Variants in SUGCT observed in about 807,000 individuals in gnomAD.
The protein encoded by SUGCT is succinyl-CoA:glutarate CoA-transferase.
SUGCT carries 41 observed loss-of-function variants against 55.0 expected under a neutral mutation model. The observed-to-expected ratio is 0.74, with a 90% confidence interval of 0.58 to 0.97. The LOEUF (loss-of-function observed/expected upper bound fraction) is 0.97. SUGCT is among the 50% of genes least tolerant of loss of function. The pLI, the probability that SUGCT is intolerant of heterozygous loss-of-function variation, is 0.00. For missense variants in SUGCT, 568 were observed against 547.8 expected, an observed-to-expected ratio of 1.04 and a Z score of -0.37; for synonymous variants, 187 against 200.4, an observed-to-expected ratio of 0.93 and a Z score of 0.56.
At chr7:40,772,997 T>C (rs1390871862) in intron 13 of SUGCT, among the ~76,000 whole-genome samples, 1 of 152,174 alleles carries the variant, frequency 6.6e-6, no homozygotes, top group East Asian at 1.9e-4. Context: ...TCTTAACTAA[T>C]GTAGATTGAA....
At chr7:40,185,525 GTCT>G (rs768723756) in intron 3 of SUGCT, among the ~76,000 whole-genome samples, 1 of 152,104 alleles carries the variant, frequency 6.6e-6, no homozygotes, top group Non-Finnish European at 1.5e-5. Flanking sequence ...GGGATTTATT[GTCT>G]TCTTTTTTTT....
chr7:40,692,026 T>C (rs1784722471), intron 12 of SUGCT, among the ~76,000 whole-genome samples: 4 of 152,194 alleles, frequency 2.6e-5, no homozygotes, highest in South Asian at 4.1e-4. Flanking sequence ...GAATTTGAAC[T>C]AGATGTCTCT....
chr7:40,447,248 T>G (rs77806986), intron 9 of SUGCT, among the ~76,000 whole-genome samples: 4,193 of 152,262 alleles, frequency 0.028, 127 homozygotes, highest in African/African-American at 0.072. Flanking sequence ...TTATTTAAAT[T>G]TAATGATCAC....
the SUGCT span, among the ~76,000 whole-genome samples, chr7:41,008,064 G>C: frequency 9.9e-5 from 15 of 152,274 alleles, no homozygotes; most frequent in African/African-American, 3.4e-4. Flanking sequence ...AGGGTGGGGG[G>C]CAAAATCTGG....
At chr7:40,731,956 G>A (rs984488362) in intron 12 of SUGCT, among the ~76,000 whole-genome samples, 26 of 152,084 alleles carry the variant, frequency 1.7e-4, no homozygotes, top group African/African-American at 6.0e-4. Context: ...GTTTAGATAG[G>A]GGTACATGAA....
chr7:40,899,075 C>A, the SUGCT span, among the ~76,000 whole-genome samples: 55 of 152,286 alleles, frequency 3.6e-4, no homozygotes, highest in Admixed American at 2.9e-3. Context: ...TAGAACCCCC[C>A]AGAGCTCTGA....
intron 1 of SUGCT, among the ~76,000 whole-genome samples, chr7:40,159,668 C>G (rs534676728): frequency 6.6e-6 from 1 of 152,052 alleles, no homozygotes; most frequent in Non-Finnish European, 1.5e-5. Context: ...CGTGCCTGGC[C>G]GGATTCTAGT....
intron 1 of SUGCT, among the ~76,000 whole-genome samples, chr7:40,156,939 C>G (rs1328427780): frequency 6.8e-6 from 1 of 146,444 alleles, no homozygotes; most frequent in Non-Finnish European, 1.5e-5. Flanking sequence ...CGCTTGAACT[C>G]GGGAGGCAGA....
At chr7:40,523,104 T>C (rs930672470) in intron 12 of SUGCT, among the ~76,000 whole-genome samples, 21 of 152,114 alleles carry the variant, frequency 1.4e-4, no homozygotes, top group African/African-American at 5.1e-4. Context: ...AGAAAGTCCT[T>C]ATAGCAAAGA....
At chr7:40,550,884 C>G (rs1271786965) in intron 12 of SUGCT, among the ~76,000 whole-genome samples, 1 of 152,160 alleles carries the variant, frequency 6.6e-6, no homozygotes, top group Admixed American at 6.5e-5. Context: ...TATAGTACTA[C>G]AGCTCTCCTC....
At chr7:40,804,060 T>C (rs1235321142) in intron 13 of SUGCT, among the ~76,000 whole-genome samples, 1 of 152,198 alleles carries the variant, frequency 6.6e-6, no homozygotes, top group Admixed American at 6.5e-5. Flanking sequence ...GAGATGATAG[T>C]ATTTTATTAT....
At chr7:40,964,769 G>A in the SUGCT span, 1 of 152,168 alleles carries the variant, frequency 6.6e-6, no homozygotes, top group Non-Finnish European at 1.5e-5. Context: ...TAACTCTGTG[G>A]GGTGTTGGTA....
At chr7:40,265,169 G>A (rs1791483607) in intron 7 of SUGCT, among the ~76,000 whole-genome samples, 1 of 152,196 alleles carries the variant, frequency 6.6e-6, no homozygotes, top group African/African-American at 2.4e-5. Flanking sequence ...TTTGTATAAC[G>A]AATGACTCAG....
chr7:40,414,812 G>C (rs1387845356), intron 9 of SUGCT, among the ~76,000 whole-genome samples: 1 of 152,024 alleles, frequency 6.6e-6, no homozygotes, highest in Admixed American at 6.6e-5. Flanking sequence ...GGAAGCTGAG[G>C]TGGGTGAATC....
chr7:40,215,891 A>C (rs1470697751), intron 6 of SUGCT, among the ~76,000 whole-genome samples: 1 of 152,096 alleles, frequency 6.6e-6, no homozygotes, highest in Non-Finnish European at 1.5e-5. Flanking sequence ...AGATTAAGCC[A>C]TTAAGCTAAT....
At chr7:40,448,140 G>GTAAT (rs1289620864) in intron 9 of SUGCT, among the ~76,000 whole-genome samples, 7 of 151,956 alleles carry the variant, frequency 4.6e-5, no homozygotes, top group African/African-American at 1.7e-4. Flanking sequence ...ATTAAAGAGT[G>GTAAT]CCCAAAAGAT....
chr7:40,417,095 T>C (rs1461835744), intron 9 of SUGCT, among the ~76,000 whole-genome samples: 1 of 152,038 alleles, frequency 6.6e-6, no homozygotes, highest in African/African-American at 2.4e-5. Context: ...TATATCTGTT[T>C]TTATTTTCTG....
At chr7:40,750,885 T>C (rs948280598) in intron 13 of SUGCT, among the ~76,000 whole-genome samples, 2 of 152,204 alleles carry the variant, frequency 1.3e-5, no homozygotes, top group Non-Finnish European at 2.9e-5. Flanking sequence ...TCTGTATTAC[T>C]GAGTATATAC....
intron 11 of SUGCT, among the ~76,000 whole-genome samples, chr7:40,469,095 T>C (rs573671421): frequency 3.9e-5 from 6 of 152,242 alleles, no homozygotes; most frequent in Admixed American, 6.5e-5. Flanking sequence ...GAGAAACTTA[T>C]TGTTTTCACC....
Sources: gnomAD v4.1 joint callset for allele counts (sites outside exome capture counted in the v4.1 genomes callset) on GRCh38, gnomAD v4.1.1 for gene constraint, MANE v1.5 for transcripts, NCBI Gene and HGNC (gene_info 2026-07-23, HGNC 2026-07-21) for gene names.